TASP1: variants seen among roughly 807,000 people sequenced by gnomAD.
TASP1 encodes taspase 1.
Under a neutral mutation model 56.6 loss-of-function variants are expected in TASP1, and 16 were observed. The observed-to-expected ratio is 0.28, with a 90% CI of 0.19 to 0.43. TASP1 has a LOEUF of 0.43. TASP1 is among the 20% of genes least tolerant of loss of function. The pLI, the probability that TASP1 is intolerant of heterozygous loss-of-function variation, is 1.00. For missense variants in TASP1, 393 were observed against 511.6 expected (o/e 0.77, Z 2.24); for synonymous variants, 179 against 184.2 (o/e 0.97, Z 0.23).
In TASP1 at chr20:13,506,881, C is replaced by CA. The variant is rs3042648; in HGVS notation, c.874+21551dup. ...CAAGTCTTAGCCAGAGAAATTAGGC[C>CA]AAAAAAAAAAACAAAAGAGAGAGAA... On this transcript the variant is annotated intron_variant, in intron 10 of 13. Coordinates refer to ENST00000337743, the MANE Select transcript of TASP1 (RefSeq NM_017714.3). 9.0e-4 allele frequency among the ~76,000 whole-genome samples: 129 copies of CA among 143,944 alleles called. 1 individual carries two copies. Among genetic ancestry groups the CA allele is most frequent in the East Asian group, 1.8e-3 (9 of 4,930 alleles). 94.4% of individuals were successfully genotyped at this position (143,944 alleles called of 152,430 possible).
At chr20:13,393,663 TC>T in intron 13 of TASP1, 1 of 1,304,466 alleles carries the variant, frequency 7.7e-7, no homozygotes, top group Non-Finnish European at 1.1e-6. Context: ...CCACATGGCC[TC>T]CAAGGAATAA....
chr20:13,490,859 T>G (rs538565840), intron 10 of TASP1, among the ~76,000 whole-genome samples: 7 of 152,064 alleles, frequency 4.6e-5, no homozygotes, highest in African/African-American at 1.7e-4. Context: ...CAGGGTTGTT[T>G]TGAGGACAAA....
At chr20:13,334,934 G>C in the TASP1 span, among the ~76,000 whole-genome samples, 1 of 152,188 alleles carries the variant, frequency 6.6e-6, no homozygotes, top group African/African-American at 2.4e-5. Context: ...TAATTACCTT[G>C]GCAGAATAAA....
At chr20:13,114,486 A>G in the TASP1 span, among the ~76,000 whole-genome samples, 2 of 152,184 alleles carry the variant, frequency 1.3e-5, no homozygotes, top group Admixed American at 6.5e-5. Flanking sequence ...AAAATTAATC[A>G]AGGAATAATA....
rs1453900590 is a variant in TASP1 at position 13,475,990 on chromosome 20, A to G, written c.985+7237T>C. On this transcript the variant is annotated intron_variant, in intron 11 of 13. Transcript: ENST00000337743. ...AAAAATTAGCTGGGCAAGGTGGCAG[A>G]CACTTGTAATCCCAGCTACTTGGGA... 2.0e-5 allele frequency among the ~76,000 whole-genome samples: 3 copies of G among 151,936 alleles called. No individual in the cohort carries two copies. In the East Asian group the frequency reaches 5.8e-4, roughly 29 times the overall value.
intron 8 of TASP1, among the ~76,000 whole-genome samples, chr20:13,555,003 T>C (rs988371544): frequency 1.3e-5 from 2 of 152,194 alleles, no homozygotes; most frequent in Admixed American, 6.5e-5. Flanking sequence ...ATGATGTTAC[T>C]TGACAGCATT....
At chr20:13,579,152 T>C (rs747984045) in intron 6 of TASP1, among the ~76,000 whole-genome samples, 5 of 152,198 alleles carry the variant, frequency 3.3e-5, no homozygotes, top group Admixed American at 6.5e-5. Flanking sequence ...ATAGGAAATA[T>C]TGGGTGAAAG....
chr20:13,428,599 T>C (rs1247049498), intron 12 of TASP1, among the ~76,000 whole-genome samples: 1 of 152,178 alleles, frequency 6.6e-6, no homozygotes, highest in African/African-American at 2.4e-5. Context: ...AAATCAGCGA[T>C]TTGTAGGCTG....
At chr20:13,299,069 C>G in the TASP1 span, 1 of 1,613,770 alleles carries the variant, frequency 6.2e-7, no homozygotes, top group East Asian at 2.2e-5. The surrounding 1 kb of genome is among the most constrained non-coding windows in gnomAD (Gnocchi z 5.8). Flanking sequence ...ACAGCACGGC[C>G]GACATCTTCG....
Position 13,607,776 on chromosome 20 carries a change from G to A in TASP1, c.282+15670C>T, listed in dbSNP as rs182623356. On this transcript the variant is annotated intron_variant, in intron 4 of 13. Coordinates refer to ENST00000337743, the MANE Select transcript of TASP1 (RefSeq NM_017714.3). ...TTTTAATTGAGTTTGTGACCAGCCC[G>A]GCCAACATGATGAAATGCCATTTCC... Among the ~76,000 whole-genome samples, 294 of 152,226 alleles carry A rather than the reference G, an allele frequency of 1.9e-3. 1 individual carries two copies. Among genetic ancestry groups the A allele is most frequent in the Middle Eastern group, 3.4e-3 (1 of 294 alleles).
the TASP1 span, among the ~76,000 whole-genome samples, chr20:13,163,137 G>A: frequency 6.6e-6 from 1 of 152,110 alleles, no homozygotes; most frequent in Non-Finnish European, 1.5e-5. Context: ...GGAGGTTGAG[G>A]TGGGCGGATG....
the TASP1 span, among the ~76,000 whole-genome samples, chr20:13,147,018 G>T: frequency 6.6e-6 from 1 of 152,152 alleles, no homozygotes; most frequent in Middle Eastern, 3.2e-3. Flanking sequence ...TCCTTGCTTG[G>T]GGATTAAATA....
the TASP1 span, chr20:13,126,549 GA>G: frequency 6.2e-7 from 1 of 1,608,712 alleles, no homozygotes. Context: ...CCAGTGTTGA[GA>G]TTTATTTGCC....
At chr20:13,214,785 AAC>A in the TASP1 span, among the ~76,000 whole-genome samples, 2 of 152,190 alleles carry the variant, frequency 1.3e-5, no homozygotes, top group Non-Finnish European at 2.9e-5. Flanking sequence ...GGTCATTTTA[AAC>A]AGTCTACCAC....
At chr20:13,268,145 TCTTCTCTTCC>T in the TASP1 span, among the ~76,000 whole-genome samples, 6 of 142,644 alleles carry the variant, frequency 4.2e-5, no homozygotes, top group African/African-American at 7.9e-5. Flanking sequence ...TCTTCTCTTC[TCTTCTCTTCC>T]CTTCCCTTCT....
At chr20:13,365,729 G>C in the TASP1 span, among the ~76,000 whole-genome samples, 6 of 152,190 alleles carry the variant, frequency 3.9e-5, no homozygotes, top group African/African-American at 1.4e-4. Flanking sequence ...GATCTTGTAG[G>C]GTATGGTAAG....
intron 9 of TASP1, among the ~76,000 whole-genome samples, chr20:13,529,179 C>T (rs1378882647): frequency 6.6e-6 from 1 of 152,182 alleles, no homozygotes; most frequent in African/African-American, 2.4e-5. Flanking sequence ...TACTCAAGCT[C>T]ATCACTTTGT....
the TASP1 span, among the ~76,000 whole-genome samples, chr20:13,295,395 A>G: frequency 6.6e-6 from 1 of 152,062 alleles, no homozygotes; most frequent in Non-Finnish European, 1.5e-5. Context: ...GACACCAACA[A>G]TCTTATATTC....
At chr20:13,563,617 T>C (rs1356616071) in intron 7 of TASP1, among the ~76,000 whole-genome samples, 2 of 150,404 alleles carry the variant, frequency 1.3e-5, no homozygotes, top group Non-Finnish European at 3.0e-5. Context: ...CATATGAAAA[T>C]CAATGTTATA....
Sources: gnomAD v4.1 joint callset for allele counts (sites outside exome capture counted in the v4.1 genomes callset) on GRCh38, gnomAD v4.1.1 for gene constraint, Gnocchi (gnomAD v3.1) non-coding constraint, MANE v1.5 for transcripts, NCBI Gene and HGNC (gene_info 2026-07-23, HGNC 2026-07-21) for gene names.